The following TBC1D13 variants were observed in gnomAD, a reference collection of about 807,000 sequenced individuals.
The protein encoded by TBC1D13 is TBC1 domain family member 13.
TBC1D13 carries 40 observed loss-of-function variants against 53.6 expected under a neutral mutation model. That is an observed-to-expected ratio of 0.75 (90% CI 0.58 to 0.97). The LOEUF (loss-of-function observed/expected upper bound fraction) is 0.97. Among genes scored for constraint, TBC1D13 ranks in the 50% least tolerant of loss-of-function variants. The pLI, the probability that TBC1D13 is intolerant of heterozygous loss-of-function variation, is 0.00. For synonymous variants in TBC1D13, 182 were observed against 197.7 expected (o/e 0.92, Z 0.67); for missense variants, 377 against 499.4 (o/e 0.75, Z 2.34).
chr9:128,790,641 C>A, intron 2 of TBC1D13, 94 bp from the exon 3 acceptor site: 2 of 1,168,450 alleles, frequency 1.7e-6, no homozygotes, highest in Non-Finnish European at 2.4e-6. Context: ...GTACTTCTTG[C>A]CCACTCTACT....
At chr9:128,802,113 T>C (rs1829747073) in intron 7 of TBC1D13, among the ~76,000 whole-genome samples, 1 of 147,500 alleles carries the variant, frequency 6.8e-6, no homozygotes. Context: ...TGGAGTGCAA[T>C]GGTGCAATCT....
Position 128,787,256 on chromosome 9 carries a change from C to T in TBC1D13, c.-98C>T, listed in dbSNP as rs1323128613. On this transcript the variant is annotated 5_prime_UTR_variant, in exon 1 of 12. Transcript: ENST00000372648. ...GTGTTTCCCGCCGGAGGCTTTTGCG[C>T]AGAGCCCCGCGTCCCTGGGGGGCGG... 1 of 1,203,262 alleles carries T rather than the reference C, an allele frequency of 8.3e-7. No homozygotes were observed. The highest frequency in any genetic ancestry group is 1.1e-6 in the Non-Finnish European group (1 of 948,738). The allele number at this position is 1,203,262 out of a possible 1,614,324, so 74.5% of individuals were successfully genotyped here.
At position 128,803,970 on chromosome 9, in the gene TBC1D13, GAC is replaced by G; in HGVS notation, c.772_773del (p.Thr258LeufsTer21). 6.2e-7 allele frequency: 1 copy of G among 1,613,244 alleles called. No individual in the cohort carries two copies. The highest frequency in any genetic ancestry group is 8.5e-7 in the Non-Finnish European group (1 of 1,179,994). On this transcript the variant is annotated frameshift_variant, in exon 9 of 12. Coordinates refer to ENST00000372648, the MANE Select transcript of TBC1D13 (RefSeq NM_018201.5). LOFTEE classifies it high-confidence loss of function. Reference sequence around the variant, plus strand: ...CTCTCTCCCAGAGCACGCCGAGGCAGACACCTTTTTCTGCTTCACCAACCTCA... The same window carrying G: ...CTCTCTCCCAGAGCACGCCGAGGCAGACCTTTTTCTGCTTCACCAACCTCA... ...NSEWKEHAEA[D>X]TFFCFTNLMA...
rs71497413 is a variant in TBC1D13 at position 128,808,408 on chromosome 9, C to CATGTGT, written c.*529_*530insATGTGT. ...GGCCCAAGTCCCCAGGCATCTTCTC[C>CATGTGT]GTGTGTGTGTGTGTGTGTGTGTGTG... On this transcript the variant is annotated 3_prime_UTR_variant, in exon 12 of 12. Transcript: ENST00000372648. 8.2e-6 allele frequency: 1 copy of CATGTGT among 121,720 alleles called. No individual in the cohort carries two copies. The highest frequency in any genetic ancestry group is 8.8e-5 in the Admixed American group (1 of 11,316). The allele number at this position is 121,720 out of a possible 1,614,324, so 7.5% of individuals were successfully genotyped here.
chr9:128,791,789 G>A (rs549296319), intron 5 of TBC1D13, 96 bp downstream of exon 5: 2 of 1,044,570 alleles, frequency 1.9e-6, no homozygotes, highest in African/African-American at 1.6e-5. Flanking sequence ...GGGGGTAGGT[G>A]CAGTCTGGTG....
intron 10 of TBC1D13, 50 bp from the exon 11 acceptor site, chr9:128,806,204 T>C: frequency 6.2e-7 from 1 of 1,613,310 alleles, no homozygotes; most frequent in Middle Eastern, 1.7e-4. Flanking sequence ...GGGCAGGGCC[T>C]GCACTCAGAG....
intron 6 of TBC1D13, among the ~76,000 whole-genome samples, chr9:128,795,074 A>C (rs1003414360): frequency 6.6e-6 from 1 of 150,524 alleles, no homozygotes; most frequent in Non-Finnish European, 1.5e-5. Flanking sequence ...TTTTTGAGAT[A>C]GGGTCTTGCT....
At chr9:128,792,657 G>A (rs1829556425) in intron 6 of TBC1D13, 83 bp downstream of exon 6, 8 of 1,284,092 alleles carry the variant, frequency 6.2e-6, no homozygotes, top group East Asian at 2.5e-5. Context: ...TTTGCAGGCC[G>A]GGCCTATGGG....
intron 6 of TBC1D13, among the ~76,000 whole-genome samples, chr9:128,794,526 A>T (rs1279076064): frequency 6.6e-6 from 1 of 151,502 alleles, no homozygotes; most frequent in Non-Finnish European, 1.5e-5. Flanking sequence ...CCCAGGCTGG[A>T]GTGCAGTGGT....
At chr9:128,807,244 G>A (rs981004847) in intron 11 of TBC1D13, among the ~76,000 whole-genome samples, 5 of 151,824 alleles carry the variant, frequency 3.3e-5, no homozygotes, top group African/African-American at 4.8e-5. Flanking sequence ...GTGCCACCAC[G>A]TCTGGCTAAT....
Position 128,805,975 on chromosome 9 carries a change from C to G in TBC1D13, c.1035C>G (p.Asp345Glu). Residue 345 changes from aspartate to glutamate, a missense_variant, in exon 10 of 12, where the codon GAC becomes GAG. Asp to Glu is a conservative substitution (Grantham distance 45). Transcript: ENST00000372648. ...IRIWDSLFAD[D>E]NRFDFLLLVC... is the part of the protein sequence containing the mutation. ...TCTGGGACTCCCTCTTCGCCGATGACAACCGCTTTGACTTCCTCCTCCTCG... is the reference window on the plus strand; with the variant it reads ...TCTGGGACTCCCTCTTCGCCGATGAGAACCGCTTTGACTTCCTCCTCCTCG... The G allele has an allele frequency of 6.2e-7, 1 of 1,614,240 alleles. No individual in the cohort carries two copies. The highest frequency in any genetic ancestry group is 8.5e-7 in the Non-Finnish European group (1 of 1,180,052).
At chr9:128,801,034 G>A (rs116530407) in intron 7 of TBC1D13, among the ~76,000 whole-genome samples, 353 of 152,258 alleles carry the variant, frequency 2.3e-3, no homozygotes, top group African/African-American at 8.3e-3. Context: ...AATGCCAGGC[G>A]TGGTGGTGAG....
chr9:128,792,078 A>G (rs1421762679), intron 5 of TBC1D13, among the ~76,000 whole-genome samples: 1 of 152,232 alleles, frequency 6.6e-6, no homozygotes, highest in Non-Finnish European at 1.5e-5. Context: ...AAAGAAATCG[A>G]TGGGCCCCAG....
At chr9:128,801,754 T>C (rs1829737752) in intron 7 of TBC1D13, among the ~76,000 whole-genome samples, 1 of 121,904 alleles carries the variant, frequency 8.2e-6, no homozygotes, top group Non-Finnish European at 1.6e-5. Flanking sequence ...GATTTTTTTG[T>C]TTTTTGTTTT....
At chr9:128,803,210 G>A (rs746229772) in intron 7 of TBC1D13, 40 bp from the exon 8 acceptor site, 1 of 1,584,832 alleles carries the variant, frequency 6.3e-7, no homozygotes, top group Non-Finnish European at 8.7e-7. Flanking sequence ...ACTGACCCCA[G>A]CATTGTCTTT....
At chr9:128,805,552 A>G (rs1829815411) in intron 9 of TBC1D13, among the ~76,000 whole-genome samples, 1 of 152,244 alleles carries the variant, frequency 6.6e-6, no homozygotes, top group South Asian at 2.1e-4. Context: ...ACCCAAGGCT[A>G]TCATCTGCAA....
chr9:128,795,172 C>T (rs1308863479), intron 6 of TBC1D13, among the ~76,000 whole-genome samples: 2 of 151,088 alleles, frequency 1.3e-5, no homozygotes, highest in Admixed American at 6.6e-5. Flanking sequence ...CCTCCTGCCC[C>T]ACCTCCTGAG....
At chr9:128,803,569 C>A in intron 8 of TBC1D13, 109 bp downstream of exon 8, 1 of 1,003,722 alleles carries the variant, frequency 1.0e-6, no homozygotes, top group Non-Finnish European at 1.5e-6. Flanking sequence ...GAGGAGTTGG[C>A]CTGGATCATC....
Position 128,797,146 on chromosome 9 carries a change from C to T in TBC1D13, c.475C>T (p.Arg159Cys), listed in dbSNP as rs142668093. 22 of 1,613,966 alleles carry T rather than the reference C, an allele frequency of 1.4e-5. No individual in the cohort carries two copies. In the East Asian group the frequency reaches 2.9e-4, roughly 21 times the overall value. The change falls in exon 7 of 12, where the codon CGT (arginine) becomes TGT (cysteine). Residue 159 changes from arginine to cysteine, a missense_variant. Transcript: ENST00000372648. ...CCCCCAGAATGAGTTTGAAACCCTT[C>T]GTAAGAGAGTGGAACAGACAACACT... ...LDPQNEFETLRKRVEQTTLKS... is the reference protein window; with the variant it reads ...LDPQNEFETLCKRVEQTTLKS...
Sources: gnomAD v4.1 joint callset for allele counts (sites outside exome capture counted in the v4.1 genomes callset) on GRCh38, gnomAD v4.1.1 for gene constraint, MANE v1.5 for transcripts, NCBI Gene and HGNC (gene_info 2026-07-23, HGNC 2026-07-21) for gene names.